BCAS1: variants seen among roughly 807,000 people sequenced by gnomAD.
The protein encoded by BCAS1 is brain enriched myelin associated protein 1.
Under a neutral mutation model 65.4 loss-of-function variants are expected in BCAS1, and 46 were observed. That is an observed-to-expected ratio of 0.70 (90% CI 0.55 to 0.90). The LOEUF is 0.90. Ranked by LOEUF, BCAS1 falls within the 40% of genes least tolerant of loss-of-function variation. BCAS1 has a pLI of 0.00. For synonymous variants in BCAS1, 298 were observed against 293.5 expected (o/e 1.02, Z -0.16); for missense variants, 793 against 771.2 (o/e 1.03, Z -0.33).
chr20:54,015,957 A>T lies in BCAS1; in HGVS notation c.723+12435T>A, dbSNP rs564838608. Among the ~76,000 whole-genome samples the T allele has an allele frequency of 7.4e-4, 112 of 152,356 alleles. 1 individual carries two copies. Among genetic ancestry groups the T allele is most frequent in the Non-Finnish European group, 1.4e-3 (97 of 68,022 alleles). On this transcript the variant is annotated intron_variant, in intron 4 of 12. Transcript: ENST00000688948. Reference sequence around the variant, plus strand: ...ACAAAGAATAAAACGAAATGCATCGATTATTCTATTACTGAAAGTCAACTG... The same window carrying T: ...ACAAAGAATAAAACGAAATGCATCGTTTATTCTATTACTGAAAGTCAACTG...
chr20:53,967,220 G>C, intron 9 of BCAS1, 147 bp from the exon 10 acceptor site: 1 of 790,272 alleles, frequency 1.3e-6, no homozygotes, highest in South Asian at 2.0e-5. Flanking sequence ...GCACATCTTG[G>C]AGAAGTAATG....
At chr20:53,965,178 T>A (rs925413718) in intron 10 of BCAS1, among the ~76,000 whole-genome samples, 3 of 152,244 alleles carry the variant, frequency 2.0e-5, no homozygotes, top group African/African-American at 7.2e-5. Context: ...GATTCTACAC[T>A]TTTTACTCCA....
At chr20:53,946,230 C>G (rs6127029) in intron 12 of BCAS1, among the ~76,000 whole-genome samples, 5 of 152,038 alleles carry the variant, frequency 3.3e-5, no homozygotes, top group Middle Eastern at 3.4e-3. Flanking sequence ...ATGGTTCTGT[C>G]CCCCCTCAGA....
At chr20:53,958,770 A>G (rs1210668511) in intron 10 of BCAS1, among the ~76,000 whole-genome samples, 1 of 152,182 alleles carries the variant, frequency 6.6e-6, no homozygotes, top group African/African-American at 2.4e-5. Flanking sequence ...TAGTGGAATT[A>G]CTTTATTTTT....
At chr20:53,992,810 A>G (rs2090797808) in intron 6 of BCAS1, among the ~76,000 whole-genome samples, 164 bp from the exon 7 acceptor site, 3 of 152,058 alleles carry the variant, frequency 2.0e-5, no homozygotes, top group African/African-American at 7.2e-5. Flanking sequence ...TCTTTTTTAA[A>G]CTTCCATATT....
intron 4 of BCAS1, among the ~76,000 whole-genome samples, chr20:53,999,488 C>A (rs2091003626): frequency 6.6e-6 from 1 of 152,178 alleles, no homozygotes; most frequent in African/African-American, 2.4e-5. Flanking sequence ...CTCCTTGTGA[C>A]AACAGGACCC....
rs190868395 is a variant in BCAS1 at position 53,957,101 on chromosome 20, A to C, written c.1551+331T>G. Among the ~76,000 whole-genome samples the C allele has an allele frequency of 3.3e-5, 5 of 152,358 alleles. No individual in the cohort carries two copies. The East Asian group carries it at 9.6e-4, about 29-fold the overall frequency. On this transcript the variant is annotated intron_variant, in intron 11 of 12. Transcript: ENST00000688948. The stretch of plus-strand genomic sequence containing the variant: ...ATTTGTGATGACGCTATGAAATAAA[A>C]GAACAATATGTAGTTATGAGAGGCA...
At chr20:53,962,310 A>G (rs6123333) in intron 10 of BCAS1, among the ~76,000 whole-genome samples, 4,621 of 152,268 alleles carry the variant, frequency 0.03, 314 homozygotes, top group East Asian at 0.29. Flanking sequence ...CTGCCTCCTC[A>G]TTTGGACTTT....
chr20:54,064,177 T>C (rs949131391), intron 1 of BCAS1, among the ~76,000 whole-genome samples: 2 of 152,222 alleles, frequency 1.3e-5, no homozygotes, highest in Non-Finnish European at 2.9e-5. Context: ...GAGATCCCCA[T>C]GCCCAGGCCC....
chr20:53,953,702 C>A lies in BCAS1; in HGVS notation c.1552-7G>T, dbSNP rs1047369563. 4 of 1,604,418 alleles carry A rather than the reference C, an allele frequency of 2.5e-6. No homozygotes were observed. Among genetic ancestry groups the A allele is most frequent in the Non-Finnish European group, 2.6e-6 (3 of 1,173,944 alleles). On this transcript the variant is annotated splice_polypyrimidine_tract_variant and splice_region_variant and intron_variant, in intron 11 of 12. Transcript: ENST00000688948. ...TTTCTGTGGAGTCTGATGTCTACAG[C>A]AATTTCAAACAAAGTACATTTTTAG... is the stretch of plus-strand genomic sequence containing the variant.
At chr20:53,968,158 G>A (rs534790253) in intron 9 of BCAS1, among the ~76,000 whole-genome samples, 2 of 152,298 alleles carry the variant, frequency 1.3e-5, no homozygotes, top group South Asian at 4.1e-4. Context: ...CACGCCTGAT[G>A]GATTTTACGC....
At chr20:53,991,641 C>T (rs2090762076) in intron 7 of BCAS1, among the ~76,000 whole-genome samples, 1 of 152,208 alleles carries the variant, frequency 6.6e-6, no homozygotes, top group African/African-American at 2.4e-5. Flanking sequence ...GTTGTCCTAA[C>T]TTCCCAAGGA....
intron 3 of BCAS1, among the ~76,000 whole-genome samples, chr20:54,042,355 C>T (rs150679355): frequency 0.01 from 1,544 of 152,110 alleles, 25 homozygotes; most frequent in African/African-American, 0.035. Flanking sequence ...ATGAGTTTAC[C>T]TTATAACAAA....
rs535027336 is a variant in BCAS1 at position 53,952,623 on chromosome 20, CT to C, written c.1815+808del. On this transcript the variant is annotated intron_variant, in intron 12 of 12. Transcript: ENST00000688948. The stretch of plus-strand genomic sequence containing the variant: ...AACCAAAACCTACCTTATGAGTATC[CT>C]TTTTTTTGTAACAAATAGCCATGTT... Among the ~76,000 whole-genome samples the C allele has an allele frequency of 6.2e-3, 948 of 152,110 alleles. 37 individuals carry two copies. Among genetic ancestry groups the C allele is most frequent in the Admixed American group, 0.057 (865 of 15,278 alleles).
chr20:54,023,374 T>G (rs2091602860), intron 4 of BCAS1, among the ~76,000 whole-genome samples: 1 of 152,250 alleles, frequency 6.6e-6, no homozygotes, highest in African/African-American at 2.4e-5. Context: ...ACTGTTGACT[T>G]CTTCATCTGT....
chr20:54,069,343 T>G lies in BCAS1; in HGVS notation c.-6+1090A>C, dbSNP rs74491172. ...ATCAAAATTACCGCTGTTCCTGATC[T>G]TATCTTTCTGTAACATGTTCATAGT... On this transcript the variant is annotated intron_variant, in intron 1 of 12. Coordinates refer to ENST00000688948, the MANE Select transcript of BCAS1 (RefSeq NM_001366298.2). Among the ~76,000 whole-genome samples the G allele has an allele frequency of 3.7e-3, 568 of 152,342 alleles. 1 individual carries two copies. Among genetic ancestry groups the G allele is most frequent in the African/African-American group, 0.013 (541 of 41,576 alleles).
At chr20:53,964,803 T>C (rs1355088896) in intron 10 of BCAS1, among the ~76,000 whole-genome samples, 3 of 143,806 alleles carry the variant, frequency 2.1e-5, no homozygotes, top group African/African-American at 8.6e-5. Context: ...TTAGAGGTTT[T>C]TTTTTTTTTC....
At chr20:53,952,152 G>T (rs191807209) in intron 12 of BCAS1, among the ~76,000 whole-genome samples, 2 of 152,298 alleles carry the variant, frequency 1.3e-5, no homozygotes, top group East Asian at 1.9e-4. Context: ...TTATCGAAGG[G>T]TAACAATTTC....
intron 1 of BCAS1, among the ~76,000 whole-genome samples, chr20:54,064,585 C>A (rs1304799826): frequency 6.6e-6 from 1 of 152,190 alleles, no homozygotes; most frequent in African/African-American, 2.4e-5. Context: ...TATTCAGAAG[C>A]AAGCCCAGAT....
Sources: gnomAD v4.1 joint callset for allele counts (sites outside exome capture counted in the v4.1 genomes callset) on GRCh38, gnomAD v4.1.1 for gene constraint, MANE v1.5 for transcripts, NCBI Gene and HGNC (gene_info 2026-07-23, HGNC 2026-07-21) for gene names.